The following GEMIN5 variants were observed in gnomAD, a reference collection of about 807,000 sequenced individuals.
GEMIN5 encodes the protein gem nuclear organelle associated protein 5, also known as gem-associated protein 5.
GEMIN5 carries 124 observed loss-of-function variants against 176.9 expected under a neutral mutation model. That is an observed-to-expected ratio of 0.70 (90% CI 0.61 to 0.81). The LOEUF is 0.81. GEMIN5 is among the 40% of genes least tolerant of loss of function. The pLI is 0.00. For synonymous variants in GEMIN5, 673 were observed against 665.2 expected, an observed-to-expected ratio of 1.01 and a Z score of -0.18; for missense variants, 1,843 against 1,814.6, an observed-to-expected ratio of 1.02 and a Z score of -0.28.
chr5:154,891,305 C>A lies in GEMIN5; in HGVS notation c.4198G>T (p.Gly1400Cys). The stretch of plus-strand genomic sequence containing the variant: ...ACTTCCGGTTCATTCTTATCAGGAC[C>A]ATTTGCTGTGGATTTACAGAGTTGA... ...KSQLCKSTANGPDKNEPEVEA... is the reference protein window; with the variant it reads ...KSQLCKSTANCPDKNEPEVEA... The change falls in exon 26 of 28, where the codon GGT becomes TGT. Residue 1400 changes from glycine to cysteine, a missense_variant. Gly to Cys is a radical substitution (Grantham distance 159). Coordinates refer to ENST00000285873, the MANE Select transcript of GEMIN5 (RefSeq NM_015465.5). The A allele has an allele frequency of 1.2e-6, 2 of 1,614,038 alleles. No individual in the cohort carries two copies. The highest frequency in any genetic ancestry group is 1.7e-6 in the Non-Finnish European group (2 of 1,179,978).
intron 2 of GEMIN5, among the ~76,000 whole-genome samples, chr5:154,936,245 T>C (rs1020340691): frequency 6.6e-6 from 1 of 152,104 alleles, no homozygotes; most frequent in South Asian, 2.1e-4. Flanking sequence ...TGAAACCCCA[T>C]CTCTGCTAAA....
At chr5:154,901,068 G>A (rs1005990717) in intron 21 of GEMIN5, among the ~76,000 whole-genome samples, 1 of 152,200 alleles carries the variant, frequency 6.6e-6, no homozygotes, top group Non-Finnish European at 1.5e-5. Context: ...GCTCATGCCT[G>A]TAATCCCAGC....
At chr5:154,898,327 G>C in intron 23 of GEMIN5, 113 bp downstream of exon 23, 1 of 881,254 alleles carries the variant, frequency 1.1e-6, no homozygotes, top group East Asian at 2.4e-5. Context: ...AGGGCTTGCT[G>C]GGCCTGCCAA....
Position 154,925,842 on chromosome 5 carries a change from C to A in GEMIN5, c.1293+20G>T. On this transcript the variant is annotated intron_variant, in intron 8 of 27. Coordinates refer to ENST00000285873, the MANE Select transcript of GEMIN5 (RefSeq NM_015465.5). The stretch of plus-strand genomic sequence containing the variant: ...TGGAAAAAAAAAAGTTCAAAACAAG[C>A]TCAAAAAAAGAATCCTTACCGCTGT... 2 of 1,447,640 alleles carry A rather than the reference C, an allele frequency of 1.4e-6. No individual in the cohort carries two copies. Among genetic ancestry groups the A allele is most frequent in the Non-Finnish European group, 1.9e-6 (2 of 1,040,652 alleles). The allele number at this position is 1,447,640 out of a possible 1,614,324, so 89.7% of individuals were successfully genotyped here.
chr5:154,925,103 TAAACTTATACACAATTGAAAA>T (rs1283508473), intron 8 of GEMIN5, among the ~76,000 whole-genome samples: 2 of 152,166 alleles, frequency 1.3e-5, no homozygotes, highest in Non-Finnish European at 2.9e-5. Context: ...TTTTTGTGAA[TAAACTTATACACAATTGAAAA>T]AAACAAATGA....
At chr5:154,918,812 G>C (rs1242873701) in intron 11 of GEMIN5, among the ~76,000 whole-genome samples, 2 of 152,124 alleles carry the variant, frequency 1.3e-5, no homozygotes, top group East Asian at 1.9e-4. Flanking sequence ...GAGGCCAAGT[G>C]GGGTGGATCA....
At position 154,904,541 on chromosome 5, in the gene GEMIN5, G is replaced by A. The variant is rs1335290824; in HGVS notation, c.2598C>T (p.Asp866=). 4 of 1,613,244 alleles carry A rather than the reference G, an allele frequency of 2.5e-6. No individual in the cohort carries two copies. In the Admixed American group the frequency reaches 6.7e-5, roughly 27 times the overall value. ...GCTTTGCAGTTGCTAGTACCAAACA[G>A]TCCTGATGAAGCTCCTCTTTGGATC... ...DHRSKEELHQ[D]CLVLATAKHS... The change falls in exon 18 of 28, where the codon GAC becomes GAT. Residue 866 remains aspartate (D), a synonymous_variant. Coordinates refer to ENST00000285873, the MANE Select transcript of GEMIN5 (RefSeq NM_015465.5).
chr5:154,929,524 G>C (rs1764118131), intron 5 of GEMIN5, among the ~76,000 whole-genome samples: 1 of 152,158 alleles, frequency 6.6e-6, no homozygotes, highest in African/African-American at 2.4e-5. Flanking sequence ...ATACGCCAGG[G>C]CCTAACTCCT....
intron 7 of GEMIN5, among the ~76,000 whole-genome samples, chr5:154,927,160 CTTCT>C (rs1764057775): frequency 1.3e-5 from 2 of 152,134 alleles, no homozygotes; most frequent in Non-Finnish European, 1.5e-5. Flanking sequence ...CAAAACTACC[CTTCT>C]TTATTATGTC....
chr5:154,894,839 G>A (rs377542529), intron 24 of GEMIN5, among the ~76,000 whole-genome samples: 4 of 151,978 alleles, frequency 2.6e-5, no homozygotes, highest in South Asian at 4.1e-4. Context: ...CCTGGGAGGC[G>A]GAGATTGCAG....
At chr5:154,911,240 A>T (rs1763693245) in intron 15 of GEMIN5, among the ~76,000 whole-genome samples, 1 of 152,106 alleles carries the variant, frequency 6.6e-6, no homozygotes, top group Non-Finnish European at 1.5e-5. Flanking sequence ...TGGGCTGGGC[A>T]CGGTGGCTCA....
At chr5:154,912,104 A>C (rs536126274) in intron 14 of GEMIN5, among the ~76,000 whole-genome samples, 2 of 152,336 alleles carry the variant, frequency 1.3e-5, no homozygotes, top group East Asian at 3.9e-4. Context: ...GGAGATGCAT[A>C]GACATTTCTA....
rs1354281912 is a variant in GEMIN5 at position 154,896,301 on chromosome 5, G to A, written c.3388C>T (p.His1130Tyr). 6.2e-7 allele frequency: 1 copy of A among 1,605,164 alleles called. No individual in the cohort carries two copies. Among genetic ancestry groups the A allele is most frequent in the Non-Finnish European group, 8.5e-7 (1 of 1,176,470 alleles). The change falls in exon 24 of 28, where the codon CAT becomes TAT. Residue 1130 changes from histidine (H) to tyrosine (Y), a missense_variant. Transcript: ENST00000285873. ...TCTGAAAGCTGCTTTTCCTCCAGATGCCTGGACAGTAGCTCCAGAAGGCAA... is the reference window on the plus strand; with the variant it reads ...TCTGAAAGCTGCTTTTCCTCCAGATACCTGGACAGTAGCTCCAGAAGGCAA... ...VFCLLELLSR[H>Y]LEEKQLSEGK...
At chr5:154,916,128 T>C (rs1352382063) in intron 13 of GEMIN5, among the ~76,000 whole-genome samples, 2 of 152,092 alleles carry the variant, frequency 1.3e-5, no homozygotes, top group Non-Finnish European at 2.9e-5. Context: ...TCTCAAGCTA[T>C]CCTTCCACTA....
chr5:154,899,729 A>G (rs1283056244), intron 21 of GEMIN5, among the ~76,000 whole-genome samples: 1 of 152,198 alleles, frequency 6.6e-6, no homozygotes, highest in Non-Finnish European at 1.5e-5. Flanking sequence ...AAAAAGGAAG[A>G]ATGCCCTTAA....
chr5:154,897,902 G>GT (rs10714011), intron 23 of GEMIN5, among the ~76,000 whole-genome samples: 98 of 125,118 alleles, frequency 7.8e-4, no homozygotes, highest in Middle Eastern at 4.3e-3. Flanking sequence ...TGACTAAGGT[G>GT]TTTTTTTTTG....
In GEMIN5 at chr5:154,896,230, T is replaced by C; in HGVS notation, c.3459A>G (p.Glu1153=). Residue 1153 remains glutamate (E), a synonymous_variant, in exon 24 of 28, where the codon GAA becomes GAG. Coordinates refer to ENST00000285873, the MANE Select transcript of GEMIN5 (RefSeq NM_015465.5). Reference sequence around the variant, plus strand: ...CAGTCACCCTCTCCACGAAAGGCCCTTCGGTGCCCGTGTTCCAAGTGTGGT... The same window carrying C: ...CAGTCACCCTCTCCACGAAAGGCCCCTCGGTGCCCGTGTTCCAAGTGTGGT... ...SSYHTWNTGT[E]GPFVERVTAV... is the part of the protein sequence containing the mutation. 6.2e-7 allele frequency: 1 copy of C among 1,613,820 alleles called. No individual in the cohort carries two copies. Among genetic ancestry groups the C allele is most frequent in the Admixed American group, 1.7e-5 (1 of 59,954 alleles).
rs1763233478 is a variant in GEMIN5, at chr5:154,891,743, C to A, written c.3761-1G>T. 1 of 1,572,928 alleles carries A rather than the reference C, an allele frequency of 6.4e-7. No individual in the cohort carries two copies. The highest frequency in any genetic ancestry group is 8.6e-7 in the Non-Finnish European group (1 of 1,166,984). ...AACTTGTCTCTTAGGTGGTCACAGC[C>A]TAGGAAAAGAGGAAAAAGATACTGG... is the stretch of plus-strand genomic sequence containing the variant. On this transcript the variant is annotated splice_acceptor_variant, in intron 25 of 27. Transcript: ENST00000285873. LOFTEE classifies it high-confidence loss of function.
In GEMIN5 at chr5:154,911,901, A is replaced by G; in HGVS notation, c.1996-3T>C. 6.2e-7 allele frequency: 1 copy of G among 1,612,966 alleles called. No individual in the cohort carries two copies. The highest frequency in any genetic ancestry group is 8.5e-7 in the Non-Finnish European group (1 of 1,179,466). On this transcript the variant is annotated splice_region_variant and splice_polypyrimidine_tract_variant and intron_variant, in intron 14 of 27. Transcript: ENST00000285873. Reference sequence around the variant, plus strand: ...TCTTCCCGGAGAGCATCCCACACCTAAACCCAAAAGCACATGGCCGAAAAG... The same window carrying G: ...TCTTCCCGGAGAGCATCCCACACCTGAACCCAAAAGCACATGGCCGAAAAG...
Sources: allele counts gnomAD v4.1 joint callset (sites outside exome capture counted in the v4.1 genomes callset), GRCh38; gene constraint gnomAD v4.1.1; transcripts MANE v1.5; gene names NCBI Gene and HGNC (gene_info 2026-07-23, HGNC 2026-07-21).